Variants in MROH9 observed in about 807,000 individuals in gnomAD.
MROH9 encodes maestro heat-like repeat-containing protein family member 9.
A neutral mutation model predicts 98.2 loss-of-function variants in MROH9; 92 were observed. The observed-to-expected ratio is 0.94, with a 90% CI of 0.79 to 1.11. The LOEUF (loss-of-function observed/expected upper bound fraction) is 1.11. Among genes scored for constraint, MROH9 ranks in the 50% most tolerant of loss-of-function variants. MROH9 has a pLI of 0.00. For synonymous variants in MROH9, 397 were observed against 368.9 expected (o/e 1.08, Z -0.87); for missense variants, 1,057 against 1,014.8 (o/e 1.04, Z -0.57).
At position 170,958,405 on chromosome 1, in the gene MROH9, A is replaced by G. The variant is rs375138092; in HGVS notation, c.73-56A>G. ...AAGTGCACATGCTATTATGAGTCTC[A>G]CTGCTCTGTAATCATTAATTCTTCT... On this transcript the variant is annotated intron_variant, in intron 3 of 21. Coordinates refer to ENST00000367759, the MANE Select transcript of MROH9 (RefSeq NM_001163629.2). 5.7e-6 allele frequency: 6 copies of G among 1,059,744 alleles called. No homozygotes were observed. In the Admixed American group the frequency reaches 6.2e-5, roughly 11 times the overall value. 65.6% of individuals were successfully genotyped at this position (1,059,744 alleles called of 1,614,324 possible).
Position 170,958,471 on chromosome 1 carries a change from T to C in MROH9, c.83T>C (p.Val28Ala). 2 of 1,578,024 alleles carry C rather than the reference T, an allele frequency of 1.3e-6. No individual in the cohort carries two copies. Among genetic ancestry groups the C allele is most frequent in the Non-Finnish European group, 8.7e-7 (1 of 1,155,128 alleles). The change falls in exon 4 of 22, where the codon GTT becomes GCT. Residue 28 changes from valine to alanine, a missense_variant. By Grantham distance (64) the Val-to-Ala change is moderately conservative (BLOSUM62 0). Transcript: ENST00000367759. Reference sequence around the variant, plus strand: ...TAACATGGTACTTAGGCACATAAAGTTAACAGCCTATTGGATGCATACTCA... The same window carrying C: ...TAACATGGTACTTAGGCACATAAAGCTAACAGCCTATTGGATGCATACTCA... Reference protein sequence around the residue: ...SVKWHHMAHKVNSLLDAYSGL... With the variant: ...SVKWHHMAHKANSLLDAYSGL...
At chr1:171,051,447 A>T (rs932973589) in intron 20 of MROH9, among the ~76,000 whole-genome samples, 1 of 152,192 alleles carries the variant, frequency 6.6e-6, no homozygotes, top group Non-Finnish European at 1.5e-5. Context: ...ACAGACATGG[A>T]TGAAGCTGGA....
intron 1 of MROH9, among the ~76,000 whole-genome samples, chr1:170,941,923 T>G (rs1649134914): frequency 6.6e-6 from 1 of 152,046 alleles, no homozygotes; most frequent in South Asian, 2.1e-4. Flanking sequence ...CTGGCATTCC[T>G]AACTTTCTCC....
chr1:171,026,157 G>T (rs1216766759), intron 20 of MROH9, among the ~76,000 whole-genome samples: 1 of 151,926 alleles, frequency 6.6e-6, no homozygotes, highest in Non-Finnish European at 1.5e-5. Flanking sequence ...TAAAGCCCAC[G>T]ATCTGTGTTA....
chr1:171,045,980 T>G (rs781267680), intron 20 of MROH9, among the ~76,000 whole-genome samples: 1 of 152,196 alleles, frequency 6.6e-6, no homozygotes, highest in Admixed American at 6.5e-5. Flanking sequence ...GCTCCTATGT[T>G]GGGTGCATAT....
At chr1:170,986,816 T>C (rs976346499) in intron 10 of MROH9, 106 bp downstream of exon 10, 8 of 1,252,560 alleles carry the variant, frequency 6.4e-6, no homozygotes, top group Non-Finnish European at 6.6e-6. Flanking sequence ...CTTGTCATTG[T>C]TCATTATATG....
At chr1:170,986,393 A>T (rs566371363) in intron 9 of MROH9, among the ~76,000 whole-genome samples, 168 bp from the exon 10 acceptor site, 1 of 152,314 alleles carries the variant, frequency 6.6e-6, no homozygotes, top group East Asian at 1.9e-4. Flanking sequence ...GTAAAGTATA[A>T]TTTTTAATAT....
intron 1 of MROH9, among the ~76,000 whole-genome samples, chr1:170,941,937 T>C (rs1177185895): frequency 1.3e-5 from 2 of 152,204 alleles, no homozygotes; most frequent in Non-Finnish European, 2.9e-5. Flanking sequence ...TTTCTCCTCA[T>C]TGGCCACTTT....
chr1:170,985,459 T>C (rs1327533893), intron 9 of MROH9, among the ~76,000 whole-genome samples: 3 of 152,102 alleles, frequency 2.0e-5, no homozygotes, highest in African/African-American at 7.2e-5. Context: ...GAGTTACGTG[T>C]AGATAATATT....
chr1:170,972,233 A>G (rs921999767), intron 8 of MROH9, among the ~76,000 whole-genome samples: 4 of 152,176 alleles, frequency 2.6e-5, no homozygotes, highest in Admixed American at 2.0e-4. Flanking sequence ...TATCTGATAG[A>G]CTACTCAGAA....
intron 16 of MROH9, among the ~76,000 whole-genome samples, chr1:171,015,538 CT>C (rs557915767): frequency 1.5e-3 from 222 of 152,086 alleles, no homozygotes; most frequent in African/African-American, 5.1e-3. Flanking sequence ...TTCTCCTTGC[CT>C]TTCTTTCTCT....
intron 5 of MROH9, among the ~76,000 whole-genome samples, chr1:170,960,365 G>A (rs1391988455): frequency 6.6e-6 from 1 of 152,114 alleles, no homozygotes; most frequent in African/African-American, 2.4e-5. Flanking sequence ...GTAGTTGGGA[G>A]AAGAAAAATA....
In MROH9 at chr1:170,945,586, G is replaced by T; in HGVS notation, c.25+5G>T. ...TGACAAGGAATCCAAAAACAAGTAA[G>T]GCTTTAGGACACAATAGAGATGGGA... On this transcript the variant is annotated splice_donor_5th_base_variant and intron_variant, in intron 2 of 21. Transcript: ENST00000367759. 6.2e-7 allele frequency: 1 copy of T among 1,611,634 alleles called. No homozygotes were observed. Among genetic ancestry groups the T allele is most frequent in the Non-Finnish European group, 8.5e-7 (1 of 1,178,602 alleles).
chr1:170,943,757 T>A (rs1012623), intron 1 of MROH9, among the ~76,000 whole-genome samples: 1 of 151,652 alleles, frequency 6.6e-6, no homozygotes, highest in Non-Finnish European at 1.5e-5. Context: ...AGGAGTATTA[T>A]ATGCAGTCAA....
chr1:170,986,264 A>T (rs982216519), intron 9 of MROH9, among the ~76,000 whole-genome samples: 4 of 152,194 alleles, frequency 2.6e-5, no homozygotes, highest in African/African-American at 9.6e-5. Flanking sequence ...GAGCAAACTC[A>T]TTTCCAAAAC....
At chr1:170,971,928 T>A (rs1272565102) in intron 8 of MROH9, 45 bp downstream of exon 8, 15 of 1,597,198 alleles carry the variant, frequency 9.4e-6, no homozygotes, top group Admixed American at 1.7e-5. Flanking sequence ...TAAGAATATG[T>A]CCCTCGTTAT....
chr1:171,044,576 T>G (rs1037792401), intron 20 of MROH9, among the ~76,000 whole-genome samples: 1 of 152,320 alleles, frequency 6.6e-6, no homozygotes, highest in Non-Finnish European at 1.5e-5. Flanking sequence ...AATTCAACAG[T>G]AAAGCCATCA....
intron 17 of MROH9, among the ~76,000 whole-genome samples, chr1:171,019,373 G>T (rs976545852): frequency 1.3e-5 from 2 of 152,008 alleles, no homozygotes; most frequent in African/African-American, 4.8e-5. Context: ...AGAAACATCG[G>T]CCAGGAGAAG....
chr1:171,058,852 G>T (rs1653930487), intron 20 of MROH9, among the ~76,000 whole-genome samples: 1 of 152,144 alleles, frequency 6.6e-6, no homozygotes, highest in Non-Finnish European at 1.5e-5. Flanking sequence ...ACTCAACATG[G>T]CTTAAAGACT....
Sources: gnomAD v4.1 joint callset for allele counts (sites outside exome capture counted in the v4.1 genomes callset) on GRCh38, gnomAD v4.1.1 for gene constraint, MANE v1.5 for transcripts, NCBI Gene and HGNC (gene_info 2026-07-23, HGNC 2026-07-21) for gene names.